PXK: variants seen among roughly 807,000 people sequenced by gnomAD.
PXK encodes the protein PX domain containing serine/threonine kinase like, also known as PX domain-containing protein kinase-like protein.
In PXK, 35 loss-of-function variants were observed where a neutral mutation model predicts 84.7. The ratio of observed to expected loss-of-function variants is 0.41; its 90% confidence interval spans 0.32 to 0.55. The LOEUF is 0.55. Ranked by LOEUF, PXK falls within the 20% of genes least tolerant of loss-of-function variation. The probability of loss-of-function intolerance (pLI) is 0.21; values close to 1 mark genes in which losing one functional copy is unlikely to be tolerated. For missense variants in PXK, 634 were observed against 699.7 expected, an observed-to-expected ratio of 0.91 and a Z score of 1.06; for synonymous variants, 253 against 260.8, an observed-to-expected ratio of 0.97 and a Z score of 0.29.
chr3:58,352,091 C>T (rs756218146), intron 1 of PXK, among the ~76,000 whole-genome samples: 2 of 152,224 alleles, frequency 1.3e-5, no homozygotes, highest in Non-Finnish European at 2.9e-5. Flanking sequence ...CGTTCCAGAT[C>T]TCTGTGACTG....
rs11707019 is a variant in PXK, at chr3:58,412,309, A to C, written c.1466-592A>C. ...ATAATAAGGTTACTAGATCCAGAAA[A>C]AGCATGCAACAGGTGGGATTCACAT... is the stretch of plus-strand genomic sequence containing the variant. On this transcript the variant is annotated intron_variant, in intron 16 of 17. Coordinates refer to ENST00000356151, the MANE Select transcript of PXK (RefSeq NM_017771.5). The surrounding 1 kb of genome is among the most constrained non-coding windows in gnomAD (Gnocchi z 6.2). Among the ~76,000 whole-genome samples the C allele has an allele frequency of 0.3, 45,004 of 151,934 alleles. 7,419 individuals are homozygous for C. The highest frequency in any genetic ancestry group is 0.39 in the Middle Eastern group (116 of 294).
intron 1 of PXK, among the ~76,000 whole-genome samples, chr3:58,357,348 C>T (rs1294874668): frequency 6.6e-6 from 1 of 151,996 alleles, no homozygotes; most frequent in Non-Finnish European, 1.5e-5. Context: ...TCAAGATCAT[C>T]AGTATGACTG....
chr3:58,355,132 G>C (rs1287807157), intron 1 of PXK, among the ~76,000 whole-genome samples: 1 of 70,982 alleles, frequency 1.4e-5, no homozygotes, highest in Non-Finnish European at 2.3e-5. Context: ...TCAAAGAAAA[G>C]GAAAAAAAAA....
intron 1 of PXK, among the ~76,000 whole-genome samples, chr3:58,346,143 G>C (rs1278991736): frequency 6.6e-6 from 1 of 152,164 alleles, no homozygotes; most frequent in Admixed American, 6.5e-5. Flanking sequence ...AGATTCTGGG[G>C]TGGGGTAAAA....
intron 16 of PXK, among the ~76,000 whole-genome samples, chr3:58,410,855 C>T (rs145749247): frequency 6.3e-4 from 96 of 152,224 alleles, no homozygotes; most frequent in African/African-American, 2.2e-3. Context: ...TGAAGGGCCA[C>T]GGGAATGGGA....
rs1374986382 is a variant in PXK, at chr3:58,425,790, A to C, written c.*830A>C. 1 of 152,248 alleles carries C rather than the reference A, an allele frequency of 6.6e-6. No homozygotes were observed. The highest frequency in any genetic ancestry group is 1.5e-5 in the Non-Finnish European group (1 of 68,046). 9.4% of individuals were successfully genotyped at this position (152,248 alleles called of 1,614,324 possible). A position where few individuals can be genotyped will look rare whatever the true frequency, so the allele number is the denominator to read the frequency against. The stretch of plus-strand genomic sequence containing the variant: ...ATCAATTATGATTTTTGAAAGATTT[A>C]TCTAAATATATCAATATAGCATCTC... On this transcript the variant is annotated 3_prime_UTR_variant, in exon 18 of 18. Transcript: ENST00000356151.
chr3:58,351,186 A>G (rs968660330), intron 1 of PXK, among the ~76,000 whole-genome samples: 3 of 152,096 alleles, frequency 2.0e-5, no homozygotes, highest in African/African-American at 7.2e-5. Flanking sequence ...CTCAATCTTT[A>G]TTACTCAGGA....
chr3:58,421,854 T>C lies in PXK; in HGVS notation c.1529-2898T>C. On this transcript the variant is annotated intron_variant, in intron 17 of 17. Transcript: ENST00000356151. This position sits in a 1 kb window ranked among gnomAD's most constrained non-coding sequence, Gnocchi z 5.5. ...GGACTGACCTGGTCGTAACTGAAGGTAAGCTGTTTGCAGCATCCCCCTTCC... is the reference window on the plus strand; with the variant it reads ...GGACTGACCTGGTCGTAACTGAAGGCAAGCTGTTTGCAGCATCCCCCTTCC... 2 of 985,364 alleles carry C rather than the reference T, an allele frequency of 2.0e-6. No homozygotes were observed. The highest frequency in any genetic ancestry group is 2.4e-6 in the Non-Finnish European group (2 of 829,900). 61.0% of individuals were successfully genotyped at this position (985,364 alleles called of 1,614,324 possible).
chr3:58,423,198 T>C, intron 17 of PXK: 5 of 984,620 alleles, frequency 5.1e-6, no homozygotes, highest in Non-Finnish European at 6.0e-6. Context: ...CACATGCTTA[T>C]TCTCCGTTTT....
At position 58,420,554 on chromosome 3, in the gene PXK, G is replaced by A. The variant is rs2061673842; in HGVS notation, c.1529-4198G>A. 3.3e-6 allele frequency: 5 copies of A among 1,535,812 alleles called. No homozygotes were observed. The Admixed American group carries it at 5.9e-5, about 18-fold the overall frequency. ...TTTTCAGTAGAGCATGCACCATTTT[G>A]AACGTGAATTTTCGGTAAAGTAAAC... is the stretch of plus-strand genomic sequence containing the variant. On this transcript the variant is annotated intron_variant, in intron 17 of 17. Transcript: ENST00000356151.
chr3:58,347,005 A>AT (rs1167019179), intron 1 of PXK, among the ~76,000 whole-genome samples: 3 of 151,918 alleles, frequency 2.0e-5, no homozygotes, highest in Non-Finnish European at 4.4e-5. Context: ...TGCCCGGCTA[A>AT]TTTTTTTGTA....
chr3:58,425,878 T>C lies in PXK; in HGVS notation c.*918T>C, dbSNP rs1371465033. On this transcript the variant is annotated 3_prime_UTR_variant, in exon 18 of 18. Coordinates refer to ENST00000356151, the MANE Select transcript of PXK (RefSeq NM_017771.5). Reference sequence around the variant, plus strand: ...TGATTTGCTTAAACCTTTCAATAAATTGCACTTTAAAGGATTATAAATAAT... The same window carrying C: ...TGATTTGCTTAAACCTTTCAATAAACTGCACTTTAAAGGATTATAAATAAT... The C allele has an allele frequency of 3.9e-5, 6 of 152,228 alleles. No homozygotes were observed. Among genetic ancestry groups the C allele is most frequent in the Admixed American group, 1.3e-4 (2 of 15,274 alleles). The allele number at this position is 152,228 out of a possible 1,614,324, so 9.4% of individuals were successfully genotyped here.
intron 17 of PXK, chr3:58,423,297 C>T: frequency 2.1e-6 from 2 of 968,360 alleles, no homozygotes; most frequent in Non-Finnish European, 2.5e-6. Context: ...CACAATCCAC[C>T]TTAGCATAAA....
chr3:58,422,225 G>A (rs1406338340), intron 17 of PXK: 1 of 985,294 alleles, frequency 1.0e-6, no homozygotes, highest in African/African-American at 1.7e-5. Context: ...TCCCAGGTCT[G>A]TGTTCCTGCC....
At position 58,397,467 on chromosome 3, in the gene PXK, T is replaced by G. The variant is rs1461301875; in HGVS notation, c.985-138T>G. The G allele has an allele frequency of 1.6e-5, 13 of 835,576 alleles. No individual in the cohort carries two copies. Among genetic ancestry groups the G allele is most frequent in the Middle Eastern group, 6.6e-4 (2 of 3,014 alleles). 51.8% of individuals were successfully genotyped at this position (835,576 alleles called of 1,614,324 possible). A position where few individuals can be genotyped will look rare whatever the true frequency, so the allele number is the denominator to read the frequency against. On this transcript the variant is annotated intron_variant, in intron 10 of 17. Coordinates refer to ENST00000356151, the MANE Select transcript of PXK (RefSeq NM_017771.5). This position sits in a 1 kb window ranked among gnomAD's most constrained non-coding sequence, Gnocchi z 4.7. ...ACCTCATGAGGTTTTACAGAAGGCT[T>G]TGGAGTTGCATTTACGTTACCAATT...
In PXK at chr3:58,426,117, C is replaced by T. The variant is rs901605642; in HGVS notation, c.*1157C>T. 2.0e-5 allele frequency: 3 copies of T among 152,174 alleles called. No individual in the cohort carries two copies. The highest frequency in any genetic ancestry group is 2.9e-5 in the Non-Finnish European group (2 of 68,028). The allele number at this position is 152,174 out of a possible 1,614,324, so 9.4% of individuals were successfully genotyped here. ...ATAGATTCACACAGTCTAAGGTTTC[C>T]TTCCTACCTATCCTGTCTCTTATTC... On this transcript the variant is annotated 3_prime_UTR_variant, in exon 18 of 18. Coordinates refer to ENST00000356151, the MANE Select transcript of PXK (RefSeq NM_017771.5).
intron 3 of PXK, among the ~76,000 whole-genome samples, chr3:58,372,546 TCTCCTGACCTTGTG>T (rs2098390566): frequency 6.6e-6 from 1 of 151,652 alleles, no homozygotes; most frequent in Non-Finnish European, 1.5e-5. Context: ...ATGGTTTCAA[TCTCCTGACCTTGTG>T]ATCTGCCTGC....
Position 58,425,179 on chromosome 3 carries a change from TA to T in PXK, c.*221del. On this transcript the variant is annotated 3_prime_UTR_variant, in exon 18 of 18. Transcript: ENST00000356151. The stretch of plus-strand genomic sequence containing the variant: ...CTCCCTTAAGATCTTGCTCCTTTAT[TA>T]ACCCTGTAAAGGAGTCTTGTTTATC... 1.6e-6 allele frequency: 1 copy of T among 640,032 alleles called. No individual in the cohort carries two copies. The highest frequency in any genetic ancestry group is 2.6e-6 in the Non-Finnish European group (1 of 390,626). The allele number at this position is 640,032 out of a possible 1,614,324, so 39.6% of individuals were successfully genotyped here.
chr3:58,374,363 G>A (rs2098419570), intron 3 of PXK, among the ~76,000 whole-genome samples: 1 of 151,896 alleles, frequency 6.6e-6, no homozygotes, highest in African/African-American at 2.4e-5. Flanking sequence ...AGTAGAGATG[G>A]GGGTTTCATC....
Sources: allele counts gnomAD v4.1 joint callset (sites outside exome capture counted in the v4.1 genomes callset), GRCh38; gene constraint gnomAD v4.1.1; non-coding constraint Gnocchi (gnomAD v3.1); transcripts MANE v1.5; gene names NCBI Gene and HGNC (gene_info 2026-07-23, HGNC 2026-07-21).